Variants in ADAMTS20 observed in about 807,000 individuals in gnomAD.
The protein encoded by ADAMTS20 is A disintegrin and metalloproteinase with thrombospondin motifs 20.
In ADAMTS20, 225 loss-of-function variants were observed where a neutral mutation model predicts 260.1. The ratio of observed to expected loss-of-function variants is 0.87; its 90% confidence interval spans 0.78 to 0.97. The LOEUF is 0.97. Among genes scored for constraint, ADAMTS20 ranks in the 50% least tolerant of loss-of-function variants. The probability of loss-of-function intolerance (pLI) is 0.00; values close to 1 mark genes in which losing one functional copy is unlikely to be tolerated. For synonymous variants in ADAMTS20, 802 were observed against 769.5 expected (o/e 1.04, Z -0.70); for missense variants, 2,400 against 2,337.7 (o/e 1.03, Z -0.55).
At chr12:43,435,344 A>G (rs1214467784) in intron 18 of ADAMTS20, among the ~76,000 whole-genome samples, 1 of 152,102 alleles carries the variant, frequency 6.6e-6, no homozygotes, top group Non-Finnish European at 1.5e-5. Context: ...AAACTTCTCT[A>G]AAAAATAAAG....
chr12:43,391,209 C>G (rs559416227), intron 29 of ADAMTS20, among the ~76,000 whole-genome samples: 1 of 152,298 alleles, frequency 6.6e-6, no homozygotes, highest in South Asian at 2.1e-4. Flanking sequence ...TATAAGAGAA[C>G]TAATTCCAAC....
chr12:43,529,647 C>T (rs1266251456), intron 3 of ADAMTS20, among the ~76,000 whole-genome samples: 5 of 152,024 alleles, frequency 3.3e-5, no homozygotes, highest in Non-Finnish European at 7.4e-5. Context: ...ACTTTGGAGA[C>T]TCAGAAGCGG....
At chr12:43,377,808 G>GTA (rs1172481689) in intron 31 of ADAMTS20, among the ~76,000 whole-genome samples, 1 of 151,942 alleles carries the variant, frequency 6.6e-6, no homozygotes, top group Non-Finnish European at 1.5e-5. Context: ...GTGCGTGTGT[G>GTA]TGTGTGTGTG....
rs144172646 is a variant in ADAMTS20, at chr12:43,428,765, C to T, written c.3524G>A (p.Arg1175His). The T allele has an allele frequency of 6.3e-5, 101 of 1,609,288 alleles. No individual in the cohort carries two copies. The highest frequency in any genetic ancestry group is 1.2e-4 in the African/African-American group (9 of 74,762). ...AAGAGCATCACGACAGCTTACATAG[C>T]GGGCTTGAGTACCTCTTCCACAAGA... Reference protein sequence around the residue: ...SVSCGRGTQARYVSCRDALDR... With the variant: ...SVSCGRGTQAHYVSCRDALDR... The change falls in exon 25 of 39, where the codon CGC becomes CAC. Residue 1175 changes from arginine to histidine, a missense_variant. Physicochemically the swap from Arg to His is conservative, Grantham distance 29. Transcript: ENST00000389420.
At chr12:43,443,655 G>A (rs1194366005) in intron 16 of ADAMTS20, 136 bp downstream of exon 16, 3 of 621,484 alleles carry the variant, frequency 4.8e-6, no homozygotes, top group Non-Finnish European at 8.6e-6. Flanking sequence ...TGTATAGGGA[G>A]CGCTAAGCTC....
intron 2 of ADAMTS20, among the ~76,000 whole-genome samples, chr12:43,545,280 C>T (rs1490887837): frequency 2.0e-5 from 3 of 152,194 alleles, no homozygotes; most frequent in Admixed American, 2.0e-4. Context: ...AACAAACCTA[C>T]CACATACTGT....
intron 28 of ADAMTS20, among the ~76,000 whole-genome samples, chr12:43,410,341 A>G (rs1941008283): frequency 6.6e-6 from 1 of 152,144 alleles, no homozygotes; most frequent in Admixed American, 6.5e-5. Flanking sequence ...ATTTAGAAAA[A>G]CCATTCATGG....
rs558483157 is a variant in ADAMTS20, at chr12:43,510,545, A to T, written c.614-8140T>A. Among the ~76,000 whole-genome samples the T allele has an allele frequency of 2.6e-5, 4 of 152,040 alleles. No individual in the cohort carries two copies. The East Asian group carries it at 7.7e-4, about 29-fold the overall frequency. ...TACATAAATGGCCACTATTCAAAGC[A>T]CATTGGCCAGTTCAATTACATCATT... is the stretch of plus-strand genomic sequence containing the variant. On this transcript the variant is annotated intron_variant, in intron 3 of 38. Transcript: ENST00000389420.
At chr12:43,380,629 G>A in intron 31 of ADAMTS20, among the ~76,000 whole-genome samples, 1 of 151,820 alleles carries the variant, frequency 6.6e-6, no homozygotes, top group African/African-American at 2.4e-5. Context: ...CGAATAATAA[G>A]AAAAATGAAA....
At position 43,366,190 on chromosome 12, in the gene ADAMTS20, A is replaced by G. The variant is rs977324385; in HGVS notation, c.5538+3100T>C. On this transcript the variant is annotated intron_variant, in intron 37 of 38. Transcript: ENST00000389420. ...ATTCTAACAGAGCTGGAGTGGCCAC[A>G]CTAGTATCAGATAAATTAGCCTTTA... Among the ~76,000 whole-genome samples, 9 of 152,010 alleles carry G rather than the reference A, an allele frequency of 5.9e-5. No homozygotes were observed. The South Asian group carries it at 1.0e-3, about 17-fold the overall frequency.
chr12:43,467,135 A>G (rs909664672), intron 8 of ADAMTS20, among the ~76,000 whole-genome samples: 9 of 152,086 alleles, frequency 5.9e-5, no homozygotes, highest in African/African-American at 2.2e-4. Context: ...AAGTGTGTGG[A>G]TAGAGATTAG....
chr12:43,446,479 G>T, intron 15 of ADAMTS20, 116 bp downstream of exon 15: 3 of 684,052 alleles, frequency 4.4e-6, no homozygotes, highest in South Asian at 2.6e-5. Flanking sequence ...CAATCATTTT[G>T]GACTAAGGGT....
chr12:43,370,189 T>C (rs990651290), intron 36 of ADAMTS20, among the ~76,000 whole-genome samples: 2 of 152,214 alleles, frequency 1.3e-5, no homozygotes, highest in Non-Finnish European at 2.9e-5. Flanking sequence ...GTAGCATTTC[T>C]GGAAATATTT....
chr12:43,509,216 T>C (rs1370929059), intron 3 of ADAMTS20, among the ~76,000 whole-genome samples: 1 of 152,176 alleles, frequency 6.6e-6, no homozygotes, highest in Non-Finnish European at 1.5e-5. Flanking sequence ...GATGAATATA[T>C]GTGTGCATTT....
intron 2 of ADAMTS20, among the ~76,000 whole-genome samples, chr12:43,546,133 T>TACACAAAAAACAGTAAAA (rs1943438193): frequency 1.3e-5 from 2 of 152,150 alleles, no homozygotes; most frequent in Non-Finnish European, 2.9e-5. Context: ...TTTGCCAGAA[T>TACACAAAAAACAGTAAAA]ACACAAAAAA....
chr12:43,433,881 G>A (rs1237693593), intron 19 of ADAMTS20: 6 of 376,030 alleles, frequency 1.6e-5, no homozygotes, highest in Non-Finnish European at 2.6e-5. Flanking sequence ...AACTTCAGAA[G>A]TTTACTGGTT....
At chr12:43,439,097 A>G (rs898027531) in intron 18 of ADAMTS20, among the ~76,000 whole-genome samples, 1 of 152,012 alleles carries the variant, frequency 6.6e-6, no homozygotes, top group African/African-American at 2.4e-5. Flanking sequence ...TTTTTTCCCT[A>G]CTATAAATTG....
intron 14 of ADAMTS20, among the ~76,000 whole-genome samples, chr12:43,448,892 ATATCAC>A (rs1396779784): frequency 6.6e-6 from 1 of 152,194 alleles, no homozygotes; most frequent in African/African-American, 2.4e-5. Context: ...AAAAAGCGCA[ATATCAC>A]TGATCATTAG....
At chr12:43,443,755 GC>G (rs1941709393) in intron 16 of ADAMTS20, 35 bp downstream of exon 16, 2 of 1,519,742 alleles carry the variant, frequency 1.3e-6, no homozygotes, top group Non-Finnish European at 1.8e-6. Context: ...TTGCACATAA[GC>G]CACATACTGG....
Sources: gnomAD v4.1 joint callset for allele counts (sites outside exome capture counted in the v4.1 genomes callset) on GRCh38, gnomAD v4.1.1 for gene constraint, MANE v1.5 for transcripts, NCBI Gene and HGNC (gene_info 2026-07-23, HGNC 2026-07-21) for gene names.